The following SCN3B variants were observed in gnomAD, a reference collection of about 807,000 sequenced individuals.
SCN3B encodes the protein sodium voltage-gated channel beta subunit 3.
A neutral mutation model predicts 25.4 loss-of-function variants in SCN3B; 11 were observed. The ratio of observed to expected loss-of-function variants is 0.43; its 90% CI spans 0.27 to 0.72. The LOEUF (loss-of-function observed/expected upper bound fraction) is 0.72, where lower values mean the gene tolerates loss of function less well. SCN3B is among the 30% of genes least tolerant of loss of function. SCN3B has a pLI of 0.18. For synonymous variants in SCN3B, 109 were observed against 110.7 expected, an observed-to-expected ratio of 0.99 and a Z score of 0.09; for missense variants, 218 against 278.3, an observed-to-expected ratio of 0.78 and a Z score of 1.54.
chr11:123,637,197 C>T (rs1955737972), intron 5 of SCN3B, among the ~76,000 whole-genome samples: 1 of 152,170 alleles, frequency 6.6e-6, no homozygotes, highest in African/African-American at 2.4e-5. Flanking sequence ...ACTAGAGTCT[C>T]TGAGCAAATG....
At chr11:123,649,721 T>C (rs1238281794) in intron 2 of SCN3B, among the ~76,000 whole-genome samples, 1 of 151,622 alleles carries the variant, frequency 6.6e-6, no homozygotes, top group African/African-American at 2.4e-5. Context: ...CTTTTTTTTT[T>C]AGATGGAGTT....
chr11:123,652,133 G>A (rs893798884), intron 2 of SCN3B, among the ~76,000 whole-genome samples: 4 of 152,208 alleles, frequency 2.6e-5, no homozygotes, highest in Non-Finnish European at 5.9e-5. Context: ...AGTCTCTGCA[G>A]AGTCTCACTC....
At chr11:123,635,603 G>A (rs888626656) in intron 5 of SCN3B, among the ~76,000 whole-genome samples, 2 of 151,706 alleles carry the variant, frequency 1.3e-5, no homozygotes, top group Non-Finnish European at 2.9e-5. Context: ...GGAGAATGGC[G>A]TGAACCTGGG....
intron 5 of SCN3B, among the ~76,000 whole-genome samples, chr11:123,637,672 G>C (rs1304345734): frequency 6.6e-6 from 1 of 152,084 alleles, no homozygotes. Flanking sequence ...GGGATTACAG[G>C]TATGTGCCAC....
intron 2 of SCN3B, 76 bp downstream of exon 2, chr11:123,653,671 A>C: frequency 6.5e-7 from 1 of 1,539,970 alleles, no homozygotes; most frequent in Non-Finnish European, 9.0e-7. Context: ...TTCTGTCACC[A>C]ACGACATCAA....
At chr11:123,644,801 ATATATATATATATATATATAT>A (rs1341194368) in intron 3 of SCN3B, among the ~76,000 whole-genome samples, 86 of 23,008 alleles carry the variant, frequency 3.7e-3, no homozygotes, top group African/African-American at 0.019. Context: ...GAGAGAGAGA[ATATATATATATATATATATAT>A]ATATATATAT....
intron 2 of SCN3B, among the ~76,000 whole-genome samples, chr11:123,651,863 T>C (rs998295613): frequency 2.0e-5 from 3 of 152,206 alleles, no homozygotes; most frequent in Non-Finnish European, 2.9e-5. Flanking sequence ...ATTCTAGCAA[T>C]ATTCTTCAAA....
At chr11:123,652,785 T>C (rs1955942274) in intron 2 of SCN3B, among the ~76,000 whole-genome samples, 1 of 145,232 alleles carries the variant, frequency 6.9e-6, no homozygotes, top group African/African-American at 2.5e-5. Context: ...GCCATACACA[T>C]ACTACTACAC....
Position 123,642,468 on chromosome 11 carries a change from G to T in SCN3B, c.423C>A (p.Ile141=). 1 of 1,614,154 alleles carries T rather than the reference G, an allele frequency of 6.2e-7. No homozygotes were observed. The change falls in exon 4 of 7, where the codon ATC becomes ATA. Residue 141 remains isoleucine, a synonymous_variant. Transcript: ENST00000299333. This position sits in a 1 kb window ranked among gnomAD's most constrained non-coding sequence, Gnocchi z 4.3. The part of the protein sequence containing the change: ...HRPFVKTTRL[I]PLRVTEEAGE... ...CACCCTCCTCGGTGACTCTTAGGGG[G>T]ATCAGCCGCGTCGTCTTCACAAAGG...
At chr11:123,647,588 GA>G (rs201286298) in intron 2 of SCN3B, among the ~76,000 whole-genome samples, 97 of 150,386 alleles carry the variant, frequency 6.5e-4, no homozygotes, top group African/African-American at 2.1e-3. Flanking sequence ...AGAACCCCCA[GA>G]AAAAAAAAGA....
Position 123,634,127 on chromosome 11 carries a change from T to G in SCN3B, c.*16A>C. 6.2e-7 allele frequency: 1 copy of G among 1,613,206 alleles called. No individual in the cohort carries two copies. The highest frequency in any genetic ancestry group is 8.5e-7 in the Non-Finnish European group (1 of 1,179,248). On this transcript the variant is annotated 3_prime_UTR_variant, in exon 6 of 7. Transcript: ENST00000299333. ...CCATGTTCCTGTAGGTCACCTCATGTCACACTGCTCCTGTTCTATTCCTCC... is the reference window on the plus strand; with the variant it reads ...CCATGTTCCTGTAGGTCACCTCATGGCACACTGCTCCTGTTCTATTCCTCC...
chr11:123,650,888 T>G (rs910292872), intron 2 of SCN3B, among the ~76,000 whole-genome samples: 1 of 152,170 alleles, frequency 6.6e-6, no homozygotes, highest in African/African-American at 2.4e-5. Context: ...AATTACATTG[T>G]AAACTGTGAT....
Position 123,638,238 on chromosome 11 carries a change from T to G in SCN3B, c.532A>C (p.Ile178Leu). 1 of 1,614,172 alleles carries G rather than the reference T, an allele frequency of 6.2e-7. No homozygotes were observed. Among genetic ancestry groups the G allele is most frequent in the African/African-American group, 1.3e-5 (1 of 75,038 alleles). Residue 178 changes from isoleucine (I) to leucine (L), a missense_variant, in exon 5 of 7, where the codon ATA becomes CTA. Physicochemically the swap from Ile to Leu is conservative, Grantham distance 5 (BLOSUM62 2). Transcript: ENST00000299333. ...TTTGAGACCTTTCTGTAGCAATATA[T>G]CATCTCGATGAGCAGCCACAAGGTG... ...FLTLWLLIEM[I>L]YCYRKVSKAE...
At chr11:123,643,188 C>T (rs1231449460) in intron 3 of SCN3B, among the ~76,000 whole-genome samples, 1 of 152,192 alleles carries the variant, frequency 6.6e-6, no homozygotes, top group Admixed American at 6.5e-5. Context: ...ACTCTCTGTG[C>T]TGGTACTCAT....
chr11:123,633,937 C>T, intron 6 of SCN3B, 161 bp from the exon 7 acceptor site: 1 of 574,260 alleles, frequency 1.7e-6, no homozygotes, highest in Non-Finnish European at 3.2e-6. Context: ...AGTTCACCTT[C>T]CGAAGCGCTG....
At chr11:123,651,924 C>G (rs559587819) in intron 2 of SCN3B, among the ~76,000 whole-genome samples, 2 of 152,268 alleles carry the variant, frequency 1.3e-5, no homozygotes, top group East Asian at 3.9e-4. Context: ...AGATATCACC[C>G]GTGCCAACTT....
intron 2 of SCN3B, among the ~76,000 whole-genome samples, chr11:123,646,406 C>A (rs1481414198): frequency 6.6e-6 from 1 of 152,108 alleles, no homozygotes; most frequent in African/African-American, 2.4e-5. Flanking sequence ...TCTGTGTGTC[C>A]CTTCCAGTGT....
chr11:123,647,752 T>G (rs1306805561), intron 2 of SCN3B, among the ~76,000 whole-genome samples: 1 of 152,204 alleles, frequency 6.6e-6, no homozygotes, highest in African/African-American at 2.4e-5. Flanking sequence ...AAAACTGTGT[T>G]TGATTGACTT....
intron 2 of SCN3B, among the ~76,000 whole-genome samples, chr11:123,650,755 G>T (rs903065485): frequency 1.3e-5 from 2 of 152,070 alleles, no homozygotes; most frequent in East Asian, 1.9e-4. Context: ...AGAAAACAAG[G>T]GTTCTCTAGC....
Sources: gnomAD v4.1 joint callset for allele counts (sites outside exome capture counted in the v4.1 genomes callset) on GRCh38, gnomAD v4.1.1 for gene constraint, Gnocchi (gnomAD v3.1) non-coding constraint, MANE v1.5 for transcripts, NCBI Gene and HGNC (gene_info 2026-07-23, HGNC 2026-07-21) for gene names.